Variants in ACSM2B observed in about 807,000 individuals in gnomAD.
The protein encoded by ACSM2B is acyl-coenzyme A synthetase ACSM2B, mitochondrial.
Under a neutral mutation model 78.6 loss-of-function variants are expected in ACSM2B, and 58 were observed. That is an observed-to-expected ratio of 0.74 (90% CI 0.60 to 0.92). The LOEUF is 0.92. Among genes scored for constraint, ACSM2B ranks in the 40% least tolerant of loss-of-function variants. The pLI, the probability that ACSM2B is intolerant of heterozygous loss-of-function variation, is 0.00. For missense variants in ACSM2B, 688 were observed against 711.2 expected (o/e 0.97, Z 0.37); for synonymous variants, 257 against 256.8 (o/e 1.00, Z -0.01).
rs1333875014 is a variant in ACSM2B at position 20,537,335 on chromosome 16, T to A, written c.1657A>T (p.Thr553Ser). ...KIEFVLNLPKTVTGKIQRTKL... is the reference protein window; with the variant it reads ...KIEFVLNLPKSVTGKIQRTKL... ...GTTCGTTGAATTTTCCCTGTGACAG[T>A]CTTGGGCAGGTTCAAGACAAACTCT... The change falls in exon 14 of 14, where the codon ACT becomes TCT. Residue 553 changes from threonine to serine, a missense_variant. Physicochemically the swap from Thr to Ser is moderately conservative, Grantham distance 58 (BLOSUM62 1). Transcript: ENST00000329697. The A allele has an allele frequency of 1.2e-6, 2 of 1,614,032 alleles. No individual in the cohort carries two copies. The highest frequency in any genetic ancestry group is 1.7e-5 in the Admixed American group (1 of 60,026).
At position 20,544,071 on chromosome 16, in the gene ACSM2B, G is replaced by T. The variant is rs147452134; in HGVS notation, c.1282-809C>A. Among the ~76,000 whole-genome samples the T allele has an allele frequency of 4.2e-3, 645 of 152,312 alleles. 3 individuals are homozygous for T. The highest frequency in any genetic ancestry group is 0.014 in the African/African-American group (599 of 41,570). On this transcript the variant is annotated intron_variant, in intron 10 of 13. Transcript: ENST00000329697. The stretch of plus-strand genomic sequence containing the variant: ...TGTGGCCTTAGGAATCTGCCCCACA[G>T]ACGCTTCTGAGTCTGTTTCCTTTTT...
At position 20,541,677 on chromosome 16, in the gene ACSM2B, C is replaced by CTTTTTTTTTTTTTTTTTTTTT. The variant is rs781297967; in HGVS notation, c.1510-905_1510-904insAAAAAAAAAAAAAAAAAAAAA. On this transcript the variant is annotated intron_variant, in intron 12 of 13. Transcript: ENST00000329697. ...TCTTTTTTCCTTTCTTTTTCTTTTT[C>CTTTTTTTTTTTTTTTTTTTTT]TTTCTTTTTTTTTTTTTTTTTTTGA... is the stretch of plus-strand genomic sequence containing the variant. 8.6e-5 allele frequency: 8 copies of CTTTTTTTTTTTTTTTTTTTTT among 92,600 alleles called. 3 individuals are homozygous for CTTTTTTTTTTTTTTTTTTTTT. Among genetic ancestry groups the CTTTTTTTTTTTTTTTTTTTTT allele is most frequent in the Non-Finnish European group, 7.8e-5 (4 of 51,508 alleles). The allele number at this position is 92,600 out of a possible 1,614,324, so 5.7% of individuals were successfully genotyped here.
chr16:20,540,646 G>A lies in ACSM2B; in HGVS notation c.1629+8C>T, dbSNP rs2014962535. The A allele has an allele frequency of 6.2e-7, 1 of 1,613,444 alleles. No homozygotes were observed. Among genetic ancestry groups the A allele is most frequent in the South Asian group, 1.1e-5 (1 of 91,026 alleles). On this transcript the variant is annotated splice_region_variant and intron_variant, in intron 13 of 13. Coordinates refer to ENST00000329697, the MANE Select transcript of ACSM2B (RefSeq NM_001105069.2). ...AGTTTGAGTGACTTGGGAGCTCAAA[G>A]GCCTTACCTTTCTTGGGTACTTGTA...
intron 4 of ACSM2B, 92 bp downstream of exon 4, chr16:20,555,177 C>T (rs112901711): frequency 1.3e-4 from 201 of 1,581,042 alleles, no homozygotes; most frequent in Middle Eastern, 3.4e-4. Flanking sequence ...TGCTGTTCTT[C>T]CTGCAACTCC....
intron 6 of ACSM2B, among the ~76,000 whole-genome samples, chr16:20,550,497 T>TATTTTTTATTAAA (rs1328420937): frequency 1.4e-4 from 22 of 152,214 alleles, no homozygotes; most frequent in Non-Finnish European, 2.6e-4. Flanking sequence ...TTCATTTTTT[T>TATTTTTTATTAAA]AATGGTGGAA....
chr16:20,537,558 A>C (rs1043549571), intron 13 of ACSM2B, among the ~76,000 whole-genome samples, 196 bp from the exon 14 acceptor site: 15 of 152,148 alleles, frequency 9.9e-5, no homozygotes, highest in Admixed American at 7.2e-4. Flanking sequence ...GCATAAAGGT[A>C]TTTGACATAT....
At chr16:20,545,315 G>T in intron 9 of ACSM2B, 57 bp from the exon 10 acceptor site, 1 of 1,573,494 alleles carries the variant, frequency 6.4e-7, no homozygotes, top group Non-Finnish European at 8.7e-7. Flanking sequence ...GGCTTCAATG[G>T]CAGCAGGAGA....
chr16:20,542,859 T>G, intron 12 of ACSM2B, 55 bp downstream of exon 12: 1 of 1,606,432 alleles, frequency 6.2e-7, no homozygotes, highest in African/African-American at 1.3e-5. Flanking sequence ...ACCATCATAC[T>G]ACACTGCCCT....
At chr16:20,569,616 G>C (rs1309549844) in intron 1 of ACSM2B, among the ~76,000 whole-genome samples, 4 of 151,508 alleles carry the variant, frequency 2.6e-5, no homozygotes, top group Non-Finnish European at 5.9e-5. Context: ...GAAGAATGAT[G>C]GTGGTATTTT....
At chr16:20,543,923 G>A (rs2015067884) in intron 10 of ACSM2B, among the ~76,000 whole-genome samples, 1 of 152,194 alleles carries the variant, frequency 6.6e-6, no homozygotes, top group South Asian at 2.1e-4. Flanking sequence ...TAGGGATACT[G>A]ATGATCAGAG....
intron 10 of ACSM2B, among the ~76,000 whole-genome samples, chr16:20,543,849 T>C (rs898964066): frequency 6.6e-6 from 1 of 152,178 alleles, no homozygotes; most frequent in African/African-American, 2.4e-5. Context: ...AGACTGGAAG[T>C]TCAGTTACTG....
chr16:20,553,828 A>C lies in ACSM2B; in HGVS notation c.689T>G (p.Met230Arg). ...FTSGTSGLPK[M>R]AEHSYSSLGL... ...CAGGCTCGAGTAGGAATGTTCTGCC[A>C]TCTTGGGAAGACCACTGGTCCCACT... is the stretch of plus-strand genomic sequence containing the variant. The change falls in exon 5 of 14, where the codon ATG (methionine) becomes AGG (arginine). Residue 230 changes from methionine (M) to arginine (R), a missense_variant. Met to Arg is a moderately conservative substitution (Grantham distance 91). Transcript: ENST00000329697. 6.2e-7 allele frequency: 1 copy of C among 1,613,368 alleles called. No individual in the cohort carries two copies. The highest frequency in any genetic ancestry group is 8.5e-7 in the Non-Finnish European group (1 of 1,179,400).
chr16:20,554,030 C>A (rs571352622), intron 4 of ACSM2B, 110 bp from the exon 5 acceptor site: 4 of 1,312,774 alleles, frequency 3.0e-6, no homozygotes, highest in Admixed American at 1.9e-5. Flanking sequence ...AGTTGATGGA[C>A]CCACCTCACA....
At chr16:20,567,572 T>A (rs1567219422) in intron 1 of ACSM2B, among the ~76,000 whole-genome samples, 1 of 132,604 alleles carries the variant, frequency 7.5e-6, no homozygotes, top group South Asian at 2.2e-4. Context: ...AAATTATATA[T>A]AAAAATATAT....
intron 1 of ACSM2B, among the ~76,000 whole-genome samples, chr16:20,566,738 ATACTATATATACTATATATAG>A (rs2015894213): frequency 4.1e-5 from 2 of 49,178 alleles, no homozygotes; most frequent in African/African-American, 1.9e-4. Context: ...TATATAGTAT[ATACTATATATACTATATATAG>A]TATATATAGA....
chr16:20,564,720 G>C lies in ACSM2B; in HGVS notation c.126C>G (p.Ala42=), dbSNP rs1200221814. The change falls in exon 2 of 14, where the codon GCC becomes GCG. Residue 42 remains alanine, a synonymous_variant. Transcript: ENST00000329697. The part of the protein sequence containing the change: ...SLQWGHQEVP[A]KFNFASDVLD... ...ACACATCACTAGCAAAGTTAAACTT[G>C]GCCGGCACTTCCTGGTGGCCCCACT... is the stretch of plus-strand genomic sequence containing the variant. The C allele has an allele frequency of 1.2e-6, 2 of 1,613,462 alleles. No homozygotes were observed. The highest frequency in any genetic ancestry group is 1.1e-5 in the South Asian group (1 of 91,030).
intron 1 of ACSM2B, among the ~76,000 whole-genome samples, chr16:20,565,880 A>G (rs2015811021): frequency 1.3e-5 from 2 of 151,954 alleles, no homozygotes; most frequent in South Asian, 4.1e-4. Flanking sequence ...GCAACAATGT[A>G]TAACTTAGCT....
chr16:20,556,303 A>G (rs2015472858), intron 3 of ACSM2B, among the ~76,000 whole-genome samples: 2 of 152,306 alleles, frequency 1.3e-5, no homozygotes, highest in Non-Finnish European at 2.9e-5. Flanking sequence ...AATCTTCTGT[A>G]GAATAACTAG....
intron 2 of ACSM2B, among the ~76,000 whole-genome samples, chr16:20,560,094 A>G (rs2015606374): frequency 6.6e-6 from 1 of 150,970 alleles, no homozygotes. Flanking sequence ...TTATGCAACA[A>G]TCACCACCAT....
Sources: gnomAD v4.1 joint callset for allele counts (sites outside exome capture counted in the v4.1 genomes callset) on GRCh38, gnomAD v4.1.1 for gene constraint, MANE v1.5 for transcripts, NCBI Gene and HGNC (gene_info 2026-07-23, HGNC 2026-07-21) for gene names.